Variants in MTHFD2L observed in about 807,000 individuals in gnomAD.
MTHFD2L encodes the protein methylenetetrahydrofolate dehydrogenase (NADP+ dependent) 2 like.
Under a neutral mutation model 34.9 loss-of-function variants are expected in MTHFD2L, and 29 were observed. The observed-to-expected ratio is 0.83, with a 90% CI of 0.62 to 1.13. The LOEUF (loss-of-function observed/expected upper bound fraction) is 1.13. Among genes scored for constraint, MTHFD2L ranks in the 50% most tolerant of loss-of-function variants. The pLI is 0.00. For missense variants in MTHFD2L, 481 were observed against 446.5 expected (o/e 1.08, Z -0.70); for synonymous variants, 167 against 155.7 (o/e 1.07, Z -0.54).
At chr4:74,171,521 G>A (rs1040567451) in intron 1 of MTHFD2L, among the ~76,000 whole-genome samples, 1 of 152,118 alleles carries the variant, frequency 6.6e-6, no homozygotes, top group African/African-American at 2.4e-5. Context: ...AAATTAAAGC[G>A]GCCAGGAGTG....
intron 3 of MTHFD2L, among the ~76,000 whole-genome samples, chr4:74,180,064 T>C (rs190077057): frequency 7.9e-5 from 12 of 152,122 alleles, no homozygotes; most frequent in African/African-American, 2.7e-4. Flanking sequence ...GTCATTTATT[T>C]ATATCATTTT....
At chr4:74,143,299 G>C (rs551999269) in intron 1 of MTHFD2L, 2 of 473,296 alleles carry the variant, frequency 4.2e-6, no homozygotes, top group African/African-American at 4.2e-5. Context: ...TAGAATTTGA[G>C]TGTAGAATGG....
At chr4:74,260,221 T>G (rs1744511642) in intron 6 of MTHFD2L, among the ~76,000 whole-genome samples, 1 of 152,198 alleles carries the variant, frequency 6.6e-6, no homozygotes, top group African/African-American at 2.4e-5. Context: ...CCACTTCTCT[T>G]GGAGCCAGTT....
intron 3 of MTHFD2L, among the ~76,000 whole-genome samples, chr4:74,187,563 T>C (rs576895386): frequency 6.6e-6 from 1 of 152,136 alleles, no homozygotes; most frequent in South Asian, 2.1e-4. Context: ...ATTAACAAGA[T>C]ACTACTGCAA....
chr4:74,247,740 T>C (rs1340528707), intron 6 of MTHFD2L, among the ~76,000 whole-genome samples: 2 of 152,234 alleles, frequency 1.3e-5, no homozygotes, highest in African/African-American at 4.8e-5. Context: ...GAGATAATCA[T>C]GTGGTTTTTG....
At position 74,137,809 on chromosome 4, in the gene MTHFD2L, A is replaced by G. The variant is rs150450246; in HGVS notation, c.-297+12292A>G. ...ATGAAAGCCTGTCATGTTCAGCAACATGGATGGAACTTGAGATCACTATGT... is the reference window on the plus strand; with the variant it reads ...ATGAAAGCCTGTCATGTTCAGCAACGTGGATGGAACTTGAGATCACTATGT... On this transcript the variant is annotated intron_variant, in intron 1 of 7. Transcript: ENST00000433372. Among the ~76,000 whole-genome samples, 199 of 152,262 alleles carry G rather than the reference A, an allele frequency of 1.3e-3. 1 individual carries two copies. Among genetic ancestry groups the G allele is most frequent in the African/African-American group, 4.5e-3 (187 of 41,566 alleles).
intron 6 of MTHFD2L, among the ~76,000 whole-genome samples, chr4:74,233,455 G>A (rs1020719111): frequency 6.6e-6 from 1 of 152,100 alleles, no homozygotes; most frequent in Admixed American, 6.6e-5. Context: ...TTTATAAACT[G>A]TCATGAGAAT....
chr4:74,275,435 G>A (rs1746490677), intron 6 of MTHFD2L, among the ~76,000 whole-genome samples: 1 of 152,098 alleles, frequency 6.6e-6, no homozygotes, highest in African/African-American at 2.4e-5. Flanking sequence ...ATGATAGAAT[G>A]ATTTATAATC....
At chr4:74,241,563 G>A (rs1485020243) in intron 6 of MTHFD2L, 1 of 448,332 alleles carries the variant, frequency 2.2e-6, no homozygotes, top group South Asian at 1.6e-5. Flanking sequence ...TGTATTTTTT[G>A]TAGAGAGATT....
chr4:74,225,253 A>G, intron 5 of MTHFD2L, 49 bp from the exon 6 acceptor site: 1 of 1,428,584 alleles, frequency 7.0e-7, no homozygotes, highest in Non-Finnish European at 9.8e-7. Flanking sequence ...GCATTTATAA[A>G]ATTTTTAAAA....
At chr4:74,151,375 A>G (rs1021069461) in intron 1 of MTHFD2L, among the ~76,000 whole-genome samples, 19 of 152,202 alleles carry the variant, frequency 1.2e-4, no homozygotes, top group African/African-American at 4.6e-4. Flanking sequence ...AAATGACTAA[A>G]ATGCAGACAT....
intron 1 of MTHFD2L, among the ~76,000 whole-genome samples, chr4:74,159,338 C>G (rs977802349): frequency 2.6e-5 from 4 of 152,152 alleles, no homozygotes; most frequent in African/African-American, 9.7e-5. Context: ...GAATGTTCCA[C>G]TTAGTTTGGA....
intron 4 of MTHFD2L, among the ~76,000 whole-genome samples, chr4:74,201,013 A>G (rs1734327959): frequency 6.6e-6 from 1 of 152,218 alleles, no homozygotes; most frequent in African/African-American, 2.4e-5. Flanking sequence ...TCAATGTTTA[A>G]AAGCAACTTA....
intron 6 of MTHFD2L, among the ~76,000 whole-genome samples, chr4:74,265,869 G>A (rs758283782): frequency 1.3e-5 from 2 of 152,210 alleles, no homozygotes; most frequent in Non-Finnish European, 2.9e-5. Flanking sequence ...GATGGGTGAA[G>A]AAGAAATGCA....
intron 1 of MTHFD2L, among the ~76,000 whole-genome samples, chr4:74,139,973 G>A (rs1723180021): frequency 1.3e-5 from 2 of 152,014 alleles, no homozygotes; most frequent in South Asian, 4.2e-4. Flanking sequence ...TTTATCACAG[G>A]TAAAATAGTA....
chr4:74,290,451 A>G (rs1748741993), intron 7 of MTHFD2L, among the ~76,000 whole-genome samples: 1 of 152,132 alleles, frequency 6.6e-6, no homozygotes, highest in Non-Finnish European at 1.5e-5. Flanking sequence ...TTGAATCCCA[A>G]CTCTACTGCT....
intron 3 of MTHFD2L, among the ~76,000 whole-genome samples, chr4:74,197,394 T>G (rs1379082805): frequency 6.6e-6 from 1 of 152,200 alleles, no homozygotes; most frequent in Non-Finnish European, 1.5e-5. Context: ...CCTGTAATCC[T>G]AAATGTAAAA....
At chr4:74,266,371 C>T (rs1745287840) in intron 6 of MTHFD2L, among the ~76,000 whole-genome samples, 2 of 152,144 alleles carry the variant, frequency 1.3e-5, no homozygotes, top group African/African-American at 4.8e-5. Context: ...CTCTCTATTA[C>T]CCTGTCATCC....
intron 1 of MTHFD2L, among the ~76,000 whole-genome samples, chr4:74,163,514 T>G (rs1452189200): frequency 6.6e-6 from 1 of 152,256 alleles, no homozygotes; most frequent in Non-Finnish European, 1.5e-5. Context: ...AAGAGTCATA[T>G]ATAATGAAAA....
Sources: allele counts gnomAD v4.1 joint callset (sites outside exome capture counted in the v4.1 genomes callset), GRCh38; gene constraint gnomAD v4.1.1; transcripts MANE v1.5; gene names NCBI Gene and HGNC (gene_info 2026-07-23, HGNC 2026-07-21).